Variants in PTGER4 observed in about 807,000 individuals in gnomAD.
PTGER4 encodes prostaglandin E2 receptor EP4 subtype.
PTGER4 carries 11 observed loss-of-function variants against 33.2 expected under a neutral mutation model. The ratio of observed to expected loss-of-function variants is 0.33; its 90% CI spans 0.21 to 0.55. The LOEUF (loss-of-function observed/expected upper bound fraction) is 0.55, where lower values mean the gene tolerates loss of function less well. PTGER4 is among the 20% of genes least tolerant of loss of function. The probability of loss-of-function intolerance (pLI) is 0.92; values close to 1 mark genes in which losing one functional copy is unlikely to be tolerated. For synonymous variants in PTGER4, 275 were observed against 281.5 expected, an observed-to-expected ratio of 0.98 and a Z score of 0.23; for missense variants, 481 against 650.2, an observed-to-expected ratio of 0.74 and a Z score of 2.83.
In PTGER4 at chr5:40,691,110, C is replaced by T. The variant is rs895302434; in HGVS notation, c.868-669C>T. Among the ~76,000 whole-genome samples the T allele has an allele frequency of 2.0e-5, 3 of 151,458 alleles. No individual in the cohort carries two copies. Among genetic ancestry groups the T allele is most frequent in the Non-Finnish European group, 2.9e-5 (2 of 67,830 alleles). On this transcript the variant is annotated intron_variant, in intron 2 of 2. Coordinates refer to ENST00000302472, the MANE Select transcript of PTGER4 (RefSeq NM_000958.3). This position sits in a 1 kb window ranked among gnomAD's most constrained non-coding sequence, Gnocchi z 4.2. ...ATCTCAGCTCACTGCAACCTCCACC[C>T]GCCGCATTCAAGCCATTCTCCTGCC...
chr5:40,713,255 G>C, the PTGER4 span, among the ~76,000 whole-genome samples: 9 of 152,096 alleles, frequency 5.9e-5, no homozygotes, highest in Admixed American at 2.6e-4. Context: ...GAATGGCTCT[G>C]ATTCAAGGAA....
chr5:40,735,503 G>A, the PTGER4 span, among the ~76,000 whole-genome samples: 1 of 152,178 alleles, frequency 6.6e-6, no homozygotes, highest in Non-Finnish European at 1.5e-5. Context: ...CAGAGCCTGA[G>A]GCCAAAGCTT....
chr5:40,688,989 G>A lies in PTGER4; in HGVS notation c.868-2790G>A, dbSNP rs1284508930. 3.9e-5 allele frequency among the ~76,000 whole-genome samples: 6 copies of A among 151,910 alleles called. No individual in the cohort carries two copies. The East Asian group carries it at 5.8e-4, about 15-fold the overall frequency. ...ATAATCCCATATCCAAAATATTTAC[G>A]GGCAGATGAGTTTCAGAATTCAGAA... On this transcript the variant is annotated intron_variant, in intron 2 of 2. Coordinates refer to ENST00000302472, the MANE Select transcript of PTGER4 (RefSeq NM_000958.3).
At chr5:40,697,450 TG>T (rs1741638879), downstream of PTGER4, among the ~76,000 whole-genome samples, 1 of 151,708 alleles carries the variant, frequency 6.6e-6, no homozygotes, top group Non-Finnish European at 1.5e-5. Context: ...CCAGGCGTGG[TG>T]GCGCATGCCT....
At position 40,680,875 on chromosome 5, in the gene PTGER4, C is replaced by T; in HGVS notation, c.-43-76C>T. ...CCCTTGTCTTATCAGTGTATCGTTT[C>T]TCGGGCGCGGGTCTAACACCTTACA... On this transcript the variant is annotated intron_variant, in intron 1 of 2. Transcript: ENST00000302472. This position sits in a 1 kb window ranked among gnomAD's most constrained non-coding sequence, Gnocchi z 5.5. 2 of 1,288,110 alleles carry T rather than the reference C, an allele frequency of 1.6e-6. No homozygotes were observed. Among genetic ancestry groups the T allele is most frequent in the African/African-American group, 1.5e-5 (1 of 67,396 alleles). 79.8% of individuals were successfully genotyped at this position (1,288,110 alleles called of 1,614,324 possible).
At position 40,693,337 on chromosome 5, in the gene PTGER4, G is replaced by A. The variant is rs1176125863; in HGVS notation, c.*959G>A. On this transcript the variant is annotated 3_prime_UTR_variant, in exon 3 of 3. Transcript: ENST00000302472. ...ATAAAAAATTTTAAAAATCTAAGCA[G>A]CTTATTGTTTCTCTGAAAGTGTGTG... 1 of 981,794 alleles carries A rather than the reference G, an allele frequency of 1.0e-6. No homozygotes were observed. Among genetic ancestry groups the A allele is most frequent in the East Asian group, 1.1e-4 (1 of 8,946 alleles). The allele number at this position is 981,794 out of a possible 1,614,324, so 60.8% of individuals were successfully genotyped here.
chr5:40,684,660 G>C (rs1294343711), intron 2 of PTGER4, among the ~76,000 whole-genome samples: 3 of 152,186 alleles, frequency 2.0e-5, no homozygotes, highest in Non-Finnish European at 4.4e-5. Context: ...ATTAGTTGTG[G>C]ATATAAGGAA....
At chr5:40,715,156 G>A in the PTGER4 span, 2 of 151,850 alleles carry the variant, frequency 1.3e-5, no homozygotes, top group Admixed American at 6.6e-5. Context: ...TTTTTAGAAA[G>A]ATATAATTAG....
At chr5:40,741,116 G>A in the PTGER4 span, among the ~76,000 whole-genome samples, 16 of 152,282 alleles carry the variant, frequency 1.1e-4, no homozygotes, top group African/African-American at 3.8e-4. Flanking sequence ...TCTTTGGCAT[G>A]TCCAGTAATT....
rs1741162265 is a variant in PTGER4, at chr5:40,680,784, G to T, written c.-43-167G>T. On this transcript the variant is annotated intron_variant, in intron 1 of 2. Transcript: ENST00000302472. This position sits in a 1 kb window ranked among gnomAD's most constrained non-coding sequence, Gnocchi z 5.5. ...GTGCTGTTGGCAGGACGTATCGCGAGCCTGGAGATTTTGGTGGCCGCAGTT... is the reference window on the plus strand; with the variant it reads ...GTGCTGTTGGCAGGACGTATCGCGATCCTGGAGATTTTGGTGGCCGCAGTT... Among the ~76,000 whole-genome samples the T allele has an allele frequency of 6.6e-6, 1 of 152,158 alleles. No individual in the cohort carries two copies. Among genetic ancestry groups the T allele is most frequent in the Non-Finnish European group, 1.5e-5 (1 of 68,038 alleles).
chr5:40,714,371 G>A, the PTGER4 span: 2 of 152,182 alleles, frequency 1.3e-5, no homozygotes, highest in African/African-American at 4.8e-5. Context: ...GAGGCACCAT[G>A]CAAGGTACTT....
chr5:40,727,264 G>C, the PTGER4 span, among the ~76,000 whole-genome samples: 1 of 152,086 alleles, frequency 6.6e-6, no homozygotes, highest in Non-Finnish European at 1.5e-5. Context: ...ATTTTGAACT[G>C]TAAAAAATAA....
chr5:40,722,044 G>C, the PTGER4 span, among the ~76,000 whole-genome samples: 1 of 152,194 alleles, frequency 6.6e-6, no homozygotes, highest in Non-Finnish European at 1.5e-5. Flanking sequence ...TCACTAATCA[G>C]GGAAATGCAA....
chr5:40,728,462 AAG>A, the PTGER4 span: 1 of 1,610,546 alleles, frequency 6.2e-7, no homozygotes, highest in Non-Finnish European at 8.5e-7. Context: ...ACATTTCATG[AAG>A]AGACATTAGC....
chr5:40,730,447 C>A, the PTGER4 span: 1 of 855,840 alleles, frequency 1.2e-6, no homozygotes, highest in Non-Finnish European at 1.9e-6. Flanking sequence ...ACCATCTTAA[C>A]CATTTAAGTG....
the PTGER4 span, among the ~76,000 whole-genome samples, chr5:40,701,492 T>C: frequency 5.9e-5 from 9 of 151,892 alleles, no homozygotes; most frequent in African/African-American, 2.2e-4. Context: ...GAAAAAAGAA[T>C]ACAAAAGAAT....
At chr5:40,727,620 A>G in the PTGER4 span, among the ~76,000 whole-genome samples, 1 of 152,134 alleles carries the variant, frequency 6.6e-6, no homozygotes, top group African/African-American at 2.4e-5. Context: ...TTACCCTCCC[A>G]TATTCTACTG....
At chr5:40,737,340 C>T in the PTGER4 span, among the ~76,000 whole-genome samples, 10 of 150,714 alleles carry the variant, frequency 6.6e-5, no homozygotes, top group African/African-American at 2.4e-4. Flanking sequence ...TACTATCCTA[C>T]AGGTGATGCA....
In PTGER4 at chr5:40,691,671, T is replaced by C; in HGVS notation, c.868-108T>C. 1.4e-6 allele frequency: 2 copies of C among 1,418,254 alleles called. No homozygotes were observed. The highest frequency in any genetic ancestry group is 2.9e-5 in the South Asian group (2 of 70,076). 87.9% of individuals were successfully genotyped at this position (1,418,254 alleles called of 1,614,324 possible). On this transcript the variant is annotated intron_variant, in intron 2 of 2. Coordinates refer to ENST00000302472, the MANE Select transcript of PTGER4 (RefSeq NM_000958.3). The surrounding 1 kb of genome is among the most constrained non-coding windows in gnomAD (Gnocchi z 4.2). ...AGCTTCCTCTTTTCCTGGAACTTGT[T>C]ACCAGAAATGAAGGCAGCTTCCTAA...
Sources: gnomAD v4.1 joint callset for allele counts (sites outside exome capture counted in the v4.1 genomes callset) on GRCh38, gnomAD v4.1.1 for gene constraint, Gnocchi (gnomAD v3.1) non-coding constraint, MANE v1.5 for transcripts, NCBI Gene and HGNC (gene_info 2026-07-23, HGNC 2026-07-21) for gene names.